NAV2: variants seen among roughly 807,000 people sequenced by gnomAD.
NAV2 encodes the protein helicase, APC down-regulated 1.
In NAV2, 54 loss-of-function variants were observed where a neutral mutation model predicts 223.2. The observed-to-expected ratio is 0.24, with a 90% CI of 0.19 to 0.30. NAV2 has a LOEUF of 0.30. Among genes scored for constraint, NAV2 ranks in the 10% least tolerant of loss-of-function variants. The probability of loss-of-function intolerance (pLI) is 1.00; values close to 1 mark genes in which losing one functional copy is unlikely to be tolerated. For missense variants in NAV2, 2,806 were observed against 3,147.5 expected (o/e 0.89, Z 2.60); for synonymous variants, 1,279 against 1,239.3 (o/e 1.03, Z -0.67).
intron 11 of NAV2, among the ~76,000 whole-genome samples, chr11:20,001,994 C>G (rs996338936): frequency 1.3e-5 from 2 of 152,184 alleles, no homozygotes; most frequent in African/African-American, 4.8e-5. Context: ...TCTCACAGTT[C>G]TGGAAGCTGG....
intron 1 of NAV2, among the ~76,000 whole-genome samples, chr11:19,585,913 T>A (rs1393277563): frequency 1.3e-5 from 2 of 152,216 alleles, no homozygotes; most frequent in Admixed American, 6.5e-5. Flanking sequence ...TTTCCTGAAT[T>A]TGAATATTGG....
chr11:19,944,705 T>TTTCCTTCCTTCCTTCTTTCCTTCC (rs2046723451), intron 8 of NAV2, among the ~76,000 whole-genome samples: 2 of 145,170 alleles, frequency 1.4e-5, no homozygotes, highest in African/African-American at 5.5e-5. Context: ...TTCTTCCTTC[T>TTTCCTTCCTTCCTTCTTTCCTTCC]TTCCTTCCTT....
At chr11:19,444,887 A>AG (rs1851528649) in intron 1 of NAV2, among the ~76,000 whole-genome samples, 3 of 152,152 alleles carry the variant, frequency 2.0e-5, no homozygotes, top group African/African-American at 7.2e-5. Context: ...AATTACTTAA[A>AG]CTTTTTTATA....
rs995787265 is a variant in NAV2, at chr11:19,713,551, C to T, written c.-145C>T. Reference sequence around the variant, plus strand: ...CGCCCGATTGCTTCGAGTTCCCCGACCTGGGGATTTTTTTTTTAGCCGCTG... The same window carrying T: ...CGCCCGATTGCTTCGAGTTCCCCGATCTGGGGATTTTTTTTTTAGCCGCTG... On this transcript the variant is annotated 5_prime_UTR_variant, in exon 1 of 38. Transcript: ENST00000349880. This position sits in a 1 kb window ranked among gnomAD's most constrained non-coding sequence, Gnocchi z 7.2. 3.6e-6 allele frequency: 5 copies of T among 1,406,916 alleles called. No individual in the cohort carries two copies. In the African/African-American group the frequency reaches 7.4e-5, roughly 21 times the overall value. The allele number at this position is 1,406,916 out of a possible 1,614,324, so 87.2% of individuals were successfully genotyped here.
At chr11:19,570,243 G>A (rs2045387520) in intron 1 of NAV2, among the ~76,000 whole-genome samples, 1 of 152,194 alleles carries the variant, frequency 6.6e-6, no homozygotes, top group Non-Finnish European at 1.5e-5. Context: ...CATTAGGCAG[G>A]TAACTTAAAT....
intron 1 of NAV2, among the ~76,000 whole-genome samples, chr11:19,462,256 A>G (rs1314979095): frequency 6.6e-6 from 1 of 152,224 alleles, no homozygotes; most frequent in Non-Finnish European, 1.5e-5. Flanking sequence ...AGAGTTTCTG[A>G]TTCAATAGGT....
rs114490359 is a variant in NAV2 at position 19,550,583 on chromosome 11, C to T, written c.75+199556C>T. Among the ~76,000 whole-genome samples the T allele has an allele frequency of 4.6e-3, 704 of 152,268 alleles. 6 individuals carry two copies. The highest frequency in any genetic ancestry group is 0.016 in the African/African-American group (683 of 41,554). Reference sequence around the variant, plus strand: ...AAGCAGCATTGCAAGCAGCATTGTACAAGGAAAGGGACTGTGTACGTGCAC... The same window carrying T: ...AAGCAGCATTGCAAGCAGCATTGTATAAGGAAAGGGACTGTGTACGTGCAC... On this transcript the variant is annotated intron_variant, in intron 1 of 37. Coordinates refer to the NAV2 transcript ENST00000360655.
intron 1 of NAV2, among the ~76,000 whole-genome samples, chr11:19,516,806 C>T (rs1003763921): frequency 6.6e-6 from 1 of 152,138 alleles, no homozygotes; most frequent in Non-Finnish European, 1.5e-5. Flanking sequence ...AGACCAAGGT[C>T]ACCATATACA....
chr11:19,578,270 G>A (rs1002068331), intron 1 of NAV2, among the ~76,000 whole-genome samples: 6 of 152,250 alleles, frequency 3.9e-5, no homozygotes, highest in Non-Finnish European at 5.9e-5. Context: ...TGCTGTAGCT[G>A]CTGTAATGGC....
intron 1 of NAV2, among the ~76,000 whole-genome samples, chr11:19,533,337 C>G (rs2044085373): frequency 6.6e-6 from 1 of 152,110 alleles, no homozygotes; most frequent in Non-Finnish European, 1.5e-5. Flanking sequence ...CTCCCCATCC[C>G]CAGCTGAGAT....
chr11:19,353,048 G>A (rs1442298978), intron 1 of NAV2, among the ~76,000 whole-genome samples: 2 of 152,094 alleles, frequency 1.3e-5, no homozygotes, highest in Non-Finnish European at 2.9e-5. Flanking sequence ...CATATACCTC[G>A]GGTGAACTGA....
At chr11:19,444,848 G>A (rs1163601515) in intron 1 of NAV2, among the ~76,000 whole-genome samples, 1 of 151,810 alleles carries the variant, frequency 6.6e-6, no homozygotes, top group Non-Finnish European at 1.5e-5. Flanking sequence ...GCCTAGATGT[G>A]AATTCCAACT....
chr11:19,530,644 G>A (rs1314122960), intron 1 of NAV2, among the ~76,000 whole-genome samples: 1 of 152,228 alleles, frequency 6.6e-6, no homozygotes, highest in Non-Finnish European at 1.5e-5. Flanking sequence ...ACGGAAATGT[G>A]CTGTGGTTTT....
At chr11:19,848,559 C>T (rs1254103182) in intron 3 of NAV2, among the ~76,000 whole-genome samples, 1 of 152,154 alleles carries the variant, frequency 6.6e-6, no homozygotes, top group Non-Finnish European at 1.5e-5. Context: ...TGCTTGTAAC[C>T]CAGGTGTGTC....
chr11:19,926,386 C>G (rs963781765), intron 6 of NAV2, among the ~76,000 whole-genome samples: 8 of 152,158 alleles, frequency 5.3e-5, no homozygotes, highest in African/African-American at 9.7e-5. Flanking sequence ...CTCTGTACCT[C>G]CAGGGATCCT....
chr11:19,683,630 G>C (rs1290616145), intron 1 of NAV2, among the ~76,000 whole-genome samples: 2 of 152,240 alleles, frequency 1.3e-5, no homozygotes, highest in African/African-American at 4.8e-5. Flanking sequence ...GGTCCCCACT[G>C]CCTGCCTCAG....
chr11:20,014,322 C>T (rs1375300875), intron 11 of NAV2, among the ~76,000 whole-genome samples: 1 of 152,132 alleles, frequency 6.6e-6, no homozygotes. Context: ...TCTTCATTCC[C>T]CATCCATCTT....
At chr11:19,448,306 G>A (rs536142058) in intron 1 of NAV2, among the ~76,000 whole-genome samples, 5 of 152,204 alleles carry the variant, frequency 3.3e-5, no homozygotes, top group African/African-American at 4.8e-5. Context: ...AACCCTCCCC[G>A]TGGGGTTGGT....
chr11:19,397,406 T>TGTGTGTGTGTGTGTGCGCGC (rs1564904702), intron 1 of NAV2, among the ~76,000 whole-genome samples: 1 of 141,894 alleles, frequency 7.0e-6, no homozygotes, highest in Non-Finnish European at 1.5e-5. Context: ...AGTGTGTGTG[T>TGTGTGTGTGTGTGTGCGCGC]GTGTGTGTGT....
Sources: allele counts gnomAD v4.1 joint callset (sites outside exome capture counted in the v4.1 genomes callset), GRCh38; gene constraint gnomAD v4.1.1; non-coding constraint Gnocchi (gnomAD v3.1); transcripts MANE v1.5; gene names NCBI Gene and HGNC (gene_info 2026-07-23, HGNC 2026-07-21).